The following MOV10L1 variants were observed in gnomAD, a reference collection of about 807,000 sequenced individuals.
MOV10L1 encodes the protein Mov10 like RNA helicase 1.
A neutral mutation model predicts 143.8 loss-of-function variants in MOV10L1; 110 were observed. The ratio of observed to expected loss-of-function variants is 0.76; its 90% CI spans 0.66 to 0.90. The LOEUF is 0.90. MOV10L1 is among the 40% of genes least tolerant of loss of function. MOV10L1 has a pLI of 0.00. For synonymous variants in MOV10L1, 593 were observed against 581.1 expected, an observed-to-expected ratio of 1.02 and a Z score of -0.29; for missense variants, 1,406 against 1,526.8, an observed-to-expected ratio of 0.92 and a Z score of 1.32.
chr22:50,104,079 C>T (rs899028557), intron 3 of MOV10L1, among the ~76,000 whole-genome samples: 7 of 152,144 alleles, frequency 4.6e-5, no homozygotes, highest in African/African-American at 1.7e-4. Flanking sequence ...GCATTAGATT[C>T]TCATAAGGAG....
intron 2 of MOV10L1, chr22:50,094,113 G>A (rs2062525953): frequency 6.6e-6 from 1 of 152,144 alleles, no homozygotes; most frequent in African/African-American, 2.4e-5. Flanking sequence ...GGATGAGTTT[G>A]GAATCTTGTT....
At chr22:50,090,369 C>G in intron 1 of MOV10L1, 184 bp downstream of exon 1, 1 of 1,533,030 alleles carries the variant, frequency 6.5e-7, no homozygotes, top group East Asian at 2.4e-5. Context: ...CACAGCATCC[C>G]GCCGCTCTGG....
At chr22:50,093,319 A>T (rs1375315599) in intron 2 of MOV10L1, 1 of 152,190 alleles carries the variant, frequency 6.6e-6, no homozygotes, top group African/African-American at 2.4e-5. Context: ...GAAAATTATT[A>T]TATGAAAGTG....
At chr22:50,125,633 T>C (rs1444554287) in intron 11 of MOV10L1, 64 bp downstream of exon 11, 16 of 1,507,742 alleles carry the variant, frequency 1.1e-5, no homozygotes, top group Non-Finnish European at 1.3e-5. Context: ...TGAGAGAAGA[T>C]ACTCTTTAAC....
intron 11 of MOV10L1, 43 bp from the exon 12 acceptor site, chr22:50,126,159 A>G: frequency 7.1e-7 from 1 of 1,413,160 alleles, no homozygotes; most frequent in Non-Finnish European, 1.0e-6. Flanking sequence ...GAAATTTGTG[A>G]TTTTGTGTTA....
At chr22:50,153,648 C>T (rs1200905540) in intron 22 of MOV10L1, among the ~76,000 whole-genome samples, 1 of 152,220 alleles carries the variant, frequency 6.6e-6, no homozygotes, top group Non-Finnish European at 1.5e-5. Context: ...GCAGGGAAGG[C>T]AGCAGCTGCG....
At chr22:50,098,926 T>G (rs930315493) in intron 2 of MOV10L1, among the ~76,000 whole-genome samples, 4 of 152,226 alleles carry the variant, frequency 2.6e-5, no homozygotes, top group African/African-American at 9.6e-5. Context: ...GTTGAGATCA[T>G]CGTGATTTTT....
In MOV10L1 at chr22:50,161,075, T is replaced by G; in HGVS notation, c.3554+20T>G. 1 of 1,610,344 alleles carries G rather than the reference T, an allele frequency of 6.2e-7. No individual in the cohort carries two copies. Among genetic ancestry groups the G allele is most frequent in the African/African-American group, 1.3e-5 (1 of 74,956 alleles). ...GCAAAAGTGAGCGCTTCTGCTGTCT[T>G]CCTCAAAGACAGGCTGGCTCTAGAA... On this transcript the variant is annotated intron_variant, in intron 26 of 26. Coordinates refer to ENST00000262794, the MANE Select transcript of MOV10L1 (RefSeq NM_018995.3).
chr22:50,102,187 G>T (rs1477559968), intron 3 of MOV10L1, among the ~76,000 whole-genome samples: 2 of 152,150 alleles, frequency 1.3e-5, no homozygotes, highest in African/African-American at 4.8e-5. Context: ...TGTCAGAATT[G>T]CTGTGAACAC....
chr22:50,146,962 C>A (rs2063168994), intron 19 of MOV10L1: 4 of 1,134,862 alleles, frequency 3.5e-6, no homozygotes, highest in Middle Eastern at 1.9e-4. Context: ...CTGTGCGGTG[C>A]CCGAGAGCCG....
At position 50,159,005 on chromosome 22, in the gene MOV10L1, T is replaced by C. The variant is rs2063493385; in HGVS notation, c.3217-673T>C. 1 of 152,152 alleles carries C rather than the reference T, an allele frequency of 6.6e-6. No homozygotes were observed. Among genetic ancestry groups the C allele is most frequent in the Non-Finnish European group, 1.5e-5 (1 of 68,042 alleles). The allele number at this position is 152,152 out of a possible 1,614,324, so 9.4% of individuals were successfully genotyped here. A position where few individuals can be genotyped will look rare whatever the true frequency, so the allele number is the denominator to read the frequency against. ...CAGCCAGTGTCCTGGTGTCTTAACC[T>C]CAGCTTGTAGGTGCCATCCTGCTGA... On this transcript the variant is annotated intron_variant, in intron 23 of 26. Coordinates refer to ENST00000262794, the MANE Select transcript of MOV10L1 (RefSeq NM_018995.3). This position sits in a 1 kb window ranked among gnomAD's most constrained non-coding sequence, Gnocchi z 4.1.
At chr22:50,148,358 C>G (rs2063207624) in intron 19 of MOV10L1, among the ~76,000 whole-genome samples, 1 of 152,216 alleles carries the variant, frequency 6.6e-6, no homozygotes, top group South Asian at 2.1e-4. Context: ...GGTGGCCCCT[C>G]TGCACTCTAG....
intron 13 of MOV10L1, among the ~76,000 whole-genome samples, chr22:50,133,537 G>A (rs1263311757): frequency 6.7e-6 from 1 of 150,084 alleles, no homozygotes; most frequent in Non-Finnish European, 1.5e-5. Context: ...GTATTCTCTA[G>A]TGGTTTTTAC....
chr22:50,090,757 A>T, intron 1 of MOV10L1: 1 of 471,096 alleles, frequency 2.1e-6, no homozygotes, highest in South Asian at 2.5e-5. Context: ...GCTCACCGCA[A>T]CCTCCGCCTT....
Position 50,151,863 on chromosome 22 carries a change from G to A in MOV10L1, c.2892+964G>A, listed in dbSNP as rs568986153. Among the ~76,000 whole-genome samples, 11 of 152,358 alleles carry A rather than the reference G, an allele frequency of 7.2e-5. No homozygotes were observed. The South Asian group carries it at 2.3e-3, about 32-fold the overall frequency. On this transcript the variant is annotated intron_variant, in intron 21 of 26. Transcript: ENST00000262794. ...GGTACAGAAAGACCCTGCCGCACGG[G>A]AGGTGAAGGCCTTGTCCTGTGTGGG... is the stretch of plus-strand genomic sequence containing the variant.
At chr22:50,108,045 C>G in intron 3 of MOV10L1, 91 bp from the exon 4 acceptor site, 3 of 1,137,624 alleles carry the variant, frequency 2.6e-6, no homozygotes, top group Non-Finnish European at 3.9e-6. Context: ...AATGTATCCT[C>G]AGGTATGATA....
At chr22:50,123,449 C>T (rs560166635) in intron 10 of MOV10L1, among the ~76,000 whole-genome samples, 5 of 152,220 alleles carry the variant, frequency 3.3e-5, no homozygotes, top group African/African-American at 4.8e-5. Flanking sequence ...ACTGCAGCCT[C>T]GAGCTCCTGG....
chr22:50,150,846 T>C lies in MOV10L1; in HGVS notation c.2839T>C (p.Tyr947His). ...GGAACGGCTGATGTCTCGACCCGCG[T>C]ACCAGAGGGACGAAAATGCTTTCGG... ...FLERLMSRPAYQRDENAFGAC... is the reference protein window; with the variant it reads ...FLERLMSRPAHQRDENAFGAC... The change falls in exon 21 of 27, where the codon TAC (tyrosine) becomes CAC (histidine). Residue 947 changes from tyrosine to histidine, a missense_variant. Tyr to His is a moderately conservative substitution (Grantham distance 83). Transcript: ENST00000262794. The C allele has an allele frequency of 6.2e-7, 1 of 1,614,248 alleles. No homozygotes were observed. Among genetic ancestry groups the C allele is most frequent in the Non-Finnish European group, 8.5e-7 (1 of 1,180,048 alleles).
rs1602279211 is a variant in MOV10L1, at chr22:50,134,904, T to C, written c.2070+274T>C. Among the ~76,000 whole-genome samples the C allele has an allele frequency of 3.9e-5, 6 of 152,358 alleles. 1 individual carries two copies. On this transcript the variant is annotated intron_variant, in intron 15 of 26. Coordinates refer to ENST00000262794, the MANE Select transcript of MOV10L1 (RefSeq NM_018995.3). ...AAATAGATTTAGTGTAAAGTTTATATGCAAGGGCTAAGATGCAGGGCTAAG... is the reference window on the plus strand; with the variant it reads ...AAATAGATTTAGTGTAAAGTTTATACGCAAGGGCTAAGATGCAGGGCTAAG...
Sources: allele counts gnomAD v4.1 joint callset (sites outside exome capture counted in the v4.1 genomes callset), GRCh38; gene constraint gnomAD v4.1.1; non-coding constraint Gnocchi (gnomAD v3.1); transcripts MANE v1.5; gene names NCBI Gene and HGNC (gene_info 2026-07-23, HGNC 2026-07-21).